Variants in CTNND2 observed in about 807,000 individuals in gnomAD.
CTNND2 encodes the protein catenin delta-2.
Under a neutral mutation model 144.4 loss-of-function variants are expected in CTNND2, and 22 were observed. The ratio of observed to expected loss-of-function variants is 0.15; its 90% CI spans 0.11 to 0.22. The LOEUF is 0.22. CTNND2 is among the 10% of genes least tolerant of loss of function. The pLI, the probability that CTNND2 is intolerant of heterozygous loss-of-function variation, is 1.00. For missense variants in CTNND2, 1,353 were observed against 1,618.8 expected (o/e 0.84, Z 2.82); for synonymous variants, 751 against 695.6 (o/e 1.08, Z -1.25).
chr5:11,206,928 ATC>A (rs1473558448), intron 10 of CTNND2, among the ~76,000 whole-genome samples: 1 of 152,056 alleles, frequency 6.6e-6, no homozygotes, highest in East Asian at 1.9e-4. Flanking sequence ...CTACTATCCT[ATC>A]TCTGCAGATC....
At chr5:11,796,504 G>C (rs1245446539) in intron 1 of CTNND2, among the ~76,000 whole-genome samples, 2 of 152,160 alleles carry the variant, frequency 1.3e-5, no homozygotes, top group Admixed American at 1.3e-4. Context: ...TCCAAATAAA[G>C]GGTATTTTGT....
At chr5:11,134,595 G>A (rs1755944879) in intron 12 of CTNND2, among the ~76,000 whole-genome samples, 1 of 152,172 alleles carries the variant, frequency 6.6e-6, no homozygotes, top group Admixed American at 6.5e-5. Context: ...TTCTGCTAAC[G>A]TATTTCAAAA....
chr5:11,475,774 G>A (rs1182470915), intron 3 of CTNND2, among the ~76,000 whole-genome samples: 1 of 152,150 alleles, frequency 6.6e-6, no homozygotes, highest in Non-Finnish European at 1.5e-5. Context: ...ATAAAGAAAT[G>A]AAATAGAAGA....
At chr5:11,874,226 C>T (rs1354898543) in intron 1 of CTNND2, among the ~76,000 whole-genome samples, 1 of 152,042 alleles carries the variant, frequency 6.6e-6, no homozygotes, top group Non-Finnish European at 1.5e-5. Context: ...TTTAAATAAC[C>T]TCTGCACTGC....
intron 11 of CTNND2, 148 bp from the exon 12 acceptor site, chr5:11,159,907 C>T: frequency 1.8e-6 from 1 of 569,886 alleles, no homozygotes. Context: ...AATTTTAGAA[C>T]ATTCGTGTGA....
intron 2 of CTNND2, among the ~76,000 whole-genome samples, chr5:11,613,581 T>C (rs749644586): frequency 2.0e-5 from 3 of 152,234 alleles, no homozygotes; most frequent in Non-Finnish European, 4.4e-5. Context: ...TATTAACCTA[T>C]GTTTTCTTCT....
chr5:11,299,333 A>T (rs1749334603), intron 9 of CTNND2, among the ~76,000 whole-genome samples: 2 of 152,268 alleles, frequency 1.3e-5, no homozygotes, highest in Non-Finnish European at 2.9e-5. Flanking sequence ...CTCTCTCAAC[A>T]AGCTGAGACC....
In CTNND2 at chr5:11,276,398, C is replaced by T. The variant is rs763681260; in HGVS notation, c.1629-39575G>A. 9.7e-4 allele frequency among the ~76,000 whole-genome samples: 147 copies of T among 152,184 alleles called. 1 individual carries two copies. Among genetic ancestry groups the T allele is most frequent in the Non-Finnish European group, 1.6e-4 (11 of 68,048 alleles). ...GAAGCACTCTCTTCTGAAAACCCAA[C>T]TCTCCTGGTTTCCTCCTACTTCCCA... On this transcript the variant is annotated intron_variant, in intron 9 of 21. Coordinates refer to ENST00000304623, the MANE Select transcript of CTNND2 (RefSeq NM_001332.4).
chr5:11,113,068 A>C (rs1375093021), intron 13 of CTNND2, among the ~76,000 whole-genome samples: 1 of 152,090 alleles, frequency 6.6e-6, no homozygotes, highest in Non-Finnish European at 1.5e-5. Context: ...GTGAACCCGG[A>C]AAGCGGAGCT....
intron 11 of CTNND2, among the ~76,000 whole-genome samples, chr5:11,181,868 T>C (rs908239814): frequency 8.1e-5 from 10 of 124,060 alleles, no homozygotes; most frequent in African/African-American, 3.1e-4. Flanking sequence ...GTGTGTGTTA[T>C]GTGTGGCGTG....
intron 3 of CTNND2, among the ~76,000 whole-genome samples, chr5:11,544,100 T>C (rs1026508594): frequency 4.6e-5 from 7 of 152,100 alleles, no homozygotes; most frequent in African/African-American, 1.7e-4. Flanking sequence ...GAAAAGCATA[T>C]GTAATATACT....
intron 1 of CTNND2, among the ~76,000 whole-genome samples, chr5:11,808,616 T>A (rs1475986170): frequency 6.6e-6 from 1 of 152,190 alleles, no homozygotes; most frequent in Non-Finnish European, 1.5e-5. Context: ...TTCTAGTTGG[T>A]CTCACCCATT....
intron 3 of CTNND2, among the ~76,000 whole-genome samples, chr5:11,531,035 A>T (rs1581424062): frequency 6.6e-6 from 1 of 152,226 alleles, no homozygotes; most frequent in Non-Finnish European, 1.5e-5. Context: ...TCCTGCAGAC[A>T]TAACTGTCAT....
At chr5:11,538,006 T>G (rs944939001) in intron 3 of CTNND2, among the ~76,000 whole-genome samples, 2 of 152,206 alleles carry the variant, frequency 1.3e-5, no homozygotes, top group Non-Finnish European at 2.9e-5. Flanking sequence ...TGTATAGCCT[T>G]TGGTAGATTC....
chr5:11,039,158 C>G (rs188219946), intron 16 of CTNND2, among the ~76,000 whole-genome samples: 182 of 152,278 alleles, frequency 1.2e-3, no homozygotes, highest in African/African-American at 4.1e-3. Flanking sequence ...AATCTTTGAC[C>G]CATTTCCTAA....
At chr5:11,062,268 C>A (rs1222204405) in intron 16 of CTNND2, among the ~76,000 whole-genome samples, 1 of 152,196 alleles carries the variant, frequency 6.6e-6, no homozygotes, top group Non-Finnish European at 1.5e-5. Flanking sequence ...ATGGTATGAA[C>A]AATGAATTGT....
At chr5:11,661,917 T>C (rs192300803) in intron 2 of CTNND2, among the ~76,000 whole-genome samples, 75 of 151,758 alleles carry the variant, frequency 4.9e-4, no homozygotes, top group Admixed American at 9.2e-4. Context: ...TCCTGTCAGA[T>C]CAGCAGCGGC....
intron 2 of CTNND2, among the ~76,000 whole-genome samples, chr5:11,626,132 C>G (rs769524448): frequency 1.9e-4 from 29 of 152,062 alleles, no homozygotes; most frequent in Non-Finnish European, 3.5e-4. Context: ...AACTCAAATG[C>G]CAGAACTCAT....
chr5:11,378,606 G>T (rs1057132718), intron 7 of CTNND2, among the ~76,000 whole-genome samples: 2 of 152,188 alleles, frequency 1.3e-5, no homozygotes, highest in African/African-American at 4.8e-5. Flanking sequence ...CACAGCACGG[G>T]AAGATTAGCT....
Sources: allele counts gnomAD v4.1 joint callset (sites outside exome capture counted in the v4.1 genomes callset), GRCh38; gene constraint gnomAD v4.1.1; transcripts MANE v1.5; gene names NCBI Gene and HGNC (gene_info 2026-07-23, HGNC 2026-07-21).